NDRG4: variants seen among roughly 807,000 people sequenced by gnomAD.
NDRG4 encodes the protein protein NDRG4.
In NDRG4, 38 loss-of-function variants were observed where a neutral mutation model predicts 55.8. That is an observed-to-expected ratio of 0.68 (90% confidence interval 0.53 to 0.89). The LOEUF is 0.89. NDRG4 is among the 40% of genes least tolerant of loss of function. NDRG4 has a pLI of 0.00. For missense variants in NDRG4, 455 were observed against 468.6 expected (o/e 0.97, Z 0.27); for synonymous variants, 190 against 182.7 (o/e 1.04, Z -0.32).
downstream of NDRG4, among the ~76,000 whole-genome samples, chr16:58,514,091 T>A (rs1198052005): frequency 6.6e-6 from 1 of 152,248 alleles, no homozygotes; most frequent in Non-Finnish European, 1.5e-5. Context: ...ACTCTTTGCC[T>A]TCTCCTAAAC....
intron 5 of NDRG4, among the ~76,000 whole-genome samples, chr16:58,505,132 G>A (rs757035634): frequency 4.3e-4 from 66 of 152,188 alleles, no homozygotes; most frequent in Non-Finnish European, 6.9e-4. Context: ...GGCAGATCAC[G>A]AGGTCAGGAG....
At chr16:58,467,924 C>T (rs1488110145) in intron 1 of NDRG4, among the ~76,000 whole-genome samples, 1 of 152,236 alleles carries the variant, frequency 6.6e-6, no homozygotes, top group East Asian at 1.9e-4. Flanking sequence ...CCACTGTGCT[C>T]CAGTTTCCAG....
chr16:58,502,172 T>C, intron 1 of NDRG4: 2 of 383,244 alleles, frequency 5.2e-6, no homozygotes, highest in South Asian at 3.6e-5. Flanking sequence ...TTTCCTAGCC[T>C]CAATTTCCTC....
intron 2 of NDRG4, among the ~76,000 whole-genome samples, chr16:58,492,194 C>T (rs527359060): frequency 3.9e-5 from 6 of 152,294 alleles, no homozygotes; most frequent in Admixed American, 1.3e-4. Context: ...ACTGCTGGAG[C>T]CTGGCTTTTG....
chr16:58,506,259 G>A, intron 5 of NDRG4, 128 bp from the exon 6 acceptor site: 5 of 836,910 alleles, frequency 6.0e-6, no homozygotes, highest in Non-Finnish European at 1.0e-5. Context: ...ATCTGGACAT[G>A]GGTGTGCATG....
At chr16:58,501,133 C>T in intron 1 of NDRG4, 1 of 1,146,880 alleles carries the variant, frequency 8.7e-7, no homozygotes. Flanking sequence ...CTCACCCCCA[C>T]CCCCGGGCCC....
downstream of NDRG4, among the ~76,000 whole-genome samples, chr16:58,515,071 C>T (rs944270689): frequency 6.6e-6 from 1 of 152,214 alleles, no homozygotes; most frequent in Non-Finnish European, 1.5e-5. Flanking sequence ...CTCTGAAACA[C>T]ACACGAAAAC....
chr16:58,463,916 G>T, intron 1 of NDRG4: 1 of 113,930 alleles, frequency 8.8e-6, no homozygotes, highest in South Asian at 3.0e-4. Flanking sequence ...CCCCACGCAC[G>T]ACCCTAGCCC....
In NDRG4 at chr16:58,505,661, G is replaced by C. The variant is rs1053256742; in HGVS notation, c.373-726G>C. Among the ~76,000 whole-genome samples, 8 of 144,530 alleles carry C rather than the reference G, an allele frequency of 5.5e-5. 1 individual carries two copies. Among genetic ancestry groups the C allele is most frequent in the African/African-American group, 2.0e-4 (8 of 39,316 alleles). The allele number at this position is 144,530 out of a possible 152,430, so 94.8% of individuals were successfully genotyped here. ...CTTTTGCAATGCCTACGGCAAAACA[G>C]ACTTTGAAAAGGTTGTTTTTTTCTT... On this transcript the variant is annotated intron_variant, in intron 5 of 14. Transcript: ENST00000570248.
chr16:58,512,756 A>G lies in NDRG4; in HGVS notation c.*1180A>G, dbSNP rs941250953. ...CCCCTGAAGCCCAGGACTGCGTTGT[A>G]TGCTTTCCATCCACTCACCTTACCC... On this transcript the variant is annotated 3_prime_UTR_variant, in exon 15 of 15. Coordinates refer to ENST00000570248, the MANE Select transcript of NDRG4 (RefSeq NM_001242835.2). 6.5e-6 allele frequency: 1 copy of G among 152,778 alleles called. No individual in the cohort carries two copies. The highest frequency in any genetic ancestry group is 6.5e-5 in the Admixed American group (1 of 15,320). The allele number at this position is 152,778 out of a possible 1,614,324, so 9.5% of individuals were successfully genotyped here.
At chr16:58,471,225 G>A (rs1025049011) in intron 1 of NDRG4, among the ~76,000 whole-genome samples, 10 of 130,076 alleles carry the variant, frequency 7.7e-5, no homozygotes, top group South Asian at 2.4e-4. Context: ...AGACAGGGTC[G>A]TACTCTGTTG....
chr16:58,468,357 C>T (rs1292056141), intron 1 of NDRG4, among the ~76,000 whole-genome samples: 1 of 152,194 alleles, frequency 6.6e-6, no homozygotes, highest in Non-Finnish European at 1.5e-5. Context: ...CTGTGCTTCT[C>T]AGCTCCTGGG....
intron 1 of NDRG4, among the ~76,000 whole-genome samples, chr16:58,482,163 G>C (rs555445268): frequency 1.3e-5 from 2 of 152,288 alleles, no homozygotes; most frequent in East Asian, 3.9e-4. Context: ...GAGCTGGCTA[G>C]GCCTGGGTAT....
At chr16:58,495,538 C>T (rs149866230), upstream of NDRG4, 77 of 155,338 alleles carry the variant, frequency 5.0e-4, no homozygotes, top group East Asian at 0.013. Flanking sequence ...TGAACCAATT[C>T]AGACCCTTCC....
In NDRG4 at chr16:58,506,983, C is replaced by T. The variant is rs1407106630; in HGVS notation, c.588C>T (p.Ala196=). The T allele has an allele frequency of 6.2e-7, 1 of 1,614,016 alleles. No homozygotes were observed. Among genetic ancestry groups the T allele is most frequent in the Non-Finnish European group, 8.5e-7 (1 of 1,179,964 alleles). The change falls in exon 8 of 15, where the codon GCC becomes GCT. Residue 196 remains alanine (A), a synonymous_variant. Coordinates refer to ENST00000570248, the MANE Select transcript of NDRG4 (RefSeq NM_001242835.2). ...AGATTGGGAACGTGGTGAACCAGGC[C>T]AACCTGCAGCTCTTCTGGAACATGT... is the stretch of plus-strand genomic sequence containing the variant. ...RQQIGNVVNQ[A]NLQLFWNMYN... is the part of the protein sequence containing the mutation.
chr16:58,501,125 C>T (rs1789819137), intron 1 of NDRG4: 9 of 1,177,324 alleles, frequency 7.6e-6, no homozygotes, highest in Middle Eastern at 3.2e-4. Context: ...GGGGCAGACT[C>T]ACCCCCACCC....
At chr16:58,482,910 G>GT (rs1043536296) in intron 1 of NDRG4, among the ~76,000 whole-genome samples, 15 of 152,004 alleles carry the variant, frequency 9.9e-5, no homozygotes, top group Non-Finnish European at 4.4e-5. Context: ...AGCCTCCCAA[G>GT]TAGTTGGATT....
chr16:58,500,483 G>A, intron 1 of NDRG4: 1 of 526,282 alleles, frequency 1.9e-6, no homozygotes, highest in Non-Finnish European at 3.2e-6. Flanking sequence ...GCTAGTCAGA[G>A]CCCATAGCAG....
In NDRG4 at chr16:58,506,473, GGT is replaced by G. The variant is rs950027219; in HGVS notation, c.459+8_459+9del. Reference sequence around the variant, plus strand: ...GCTGGATAGACTGGGCTGCCACCAAGGTGTGTGTGGTGACCGGGGGTGGGGTG... The same window carrying G: ...GCTGGATAGACTGGGCTGCCACCAAGGTGTGTGGTGACCGGGGGTGGGGTG... On this transcript the variant is annotated splice_donor_variant, in intron 6 of 14. Coordinates refer to ENST00000570248, the MANE Select transcript of NDRG4 (RefSeq NM_001242835.2). LOFTEE classifies it high-confidence loss of function. The G allele has an allele frequency of 1.9e-6, 3 of 1,610,010 alleles. No individual in the cohort carries two copies. The highest frequency in any genetic ancestry group is 1.3e-5 in the African/African-American group (1 of 74,582).
Sources: gnomAD v4.1 joint callset for allele counts (sites outside exome capture counted in the v4.1 genomes callset) on GRCh38, gnomAD v4.1.1 for gene constraint, MANE v1.5 for transcripts, NCBI Gene and HGNC (gene_info 2026-07-23, HGNC 2026-07-21) for gene names.